Variants in LDB2 observed in about 807,000 individuals in gnomAD.
The protein encoded by LDB2 is LIM domain-binding protein 2.
Under a neutral mutation model 44.3 loss-of-function variants are expected in LDB2, and 12 were observed. That is an observed-to-expected ratio of 0.27 (90% CI 0.17 to 0.44). LDB2 has a LOEUF of 0.44. Among genes scored for constraint, LDB2 ranks in the 20% least tolerant of loss-of-function variants. The pLI is 1.00. For synonymous variants in LDB2, 164 were observed against 174.8 expected (o/e 0.94, Z 0.49); for missense variants, 344 against 473.5 (o/e 0.73, Z 2.54).
At chr4:16,877,546 A>G (rs1173472240) in intron 1 of LDB2, among the ~76,000 whole-genome samples, 1 of 152,218 alleles carries the variant, frequency 6.6e-6, no homozygotes, top group Admixed American at 6.5e-5. Context: ...AGGTATTCTC[A>G]CAGGCATAGG....
At position 16,538,919 on chromosome 4, in the gene LDB2, C is replaced by T. The variant is rs568719577; in HGVS notation, c.616-26815G>A. On this transcript the variant is annotated intron_variant, in intron 5 of 7. Coordinates refer to ENST00000304523, the MANE Select transcript of LDB2 (RefSeq NM_001290.5). ...CGTGGCAAAAACAGATGAAATAAGTCATCTGAAGCCATACAACCAGTAAGT... is the reference window on the plus strand; with the variant it reads ...CGTGGCAAAAACAGATGAAATAAGTTATCTGAAGCCATACAACCAGTAAGT... Among the ~76,000 whole-genome samples, 5 of 152,284 alleles carry T rather than the reference C, an allele frequency of 3.3e-5. No homozygotes were observed. The East Asian group carries it at 9.7e-4, about 29-fold the overall frequency.
chr4:16,535,844 A>G (rs186492849), intron 5 of LDB2, among the ~76,000 whole-genome samples: 2 of 152,302 alleles, frequency 1.3e-5, no homozygotes, highest in African/African-American at 4.8e-5. Context: ...GAAAGCTTAG[A>G]TGCTTTTTCT....
At chr4:16,889,352 A>C (rs142729855) in intron 1 of LDB2, 11 of 152,334 alleles carry the variant, frequency 7.2e-5, no homozygotes, top group African/African-American at 2.6e-4. Flanking sequence ...AGAAATATCA[A>C]ATGAGAAAAG....
At chr4:16,809,459 TAAAG>T (rs1779379198) in intron 1 of LDB2, among the ~76,000 whole-genome samples, 1 of 152,156 alleles carries the variant, frequency 6.6e-6, no homozygotes, top group Non-Finnish European at 1.5e-5. Flanking sequence ...AGAGAAGAGT[TAAAG>T]ACTGGGCAGA....
chr4:16,744,958 T>C (rs1477895398), intron 2 of LDB2, among the ~76,000 whole-genome samples: 1 of 152,256 alleles, frequency 6.6e-6, no homozygotes, highest in Admixed American at 6.5e-5. Flanking sequence ...AGGGATTGTA[T>C]GTATGTTACT....
intron 5 of LDB2, among the ~76,000 whole-genome samples, chr4:16,536,170 GAGA>G (rs1193029098): frequency 3.9e-5 from 6 of 152,184 alleles, no homozygotes; most frequent in African/African-American, 1.2e-4. Flanking sequence ...ACTGGACCAG[GAGA>G]AGAACAGCCC....
At chr4:16,644,553 G>A (rs576244899) in intron 2 of LDB2, among the ~76,000 whole-genome samples, 11 of 151,482 alleles carry the variant, frequency 7.3e-5, no homozygotes, top group South Asian at 6.3e-4. Context: ...TCAGCCTCCC[G>A]AGTAGCTGGC....
chr4:16,669,969 A>G (rs974198725), intron 2 of LDB2, among the ~76,000 whole-genome samples: 3 of 152,238 alleles, frequency 2.0e-5, no homozygotes, highest in Admixed American at 1.3e-4. Flanking sequence ...AGCCATGCAC[A>G]TTTATTGAGA....
intron 1 of LDB2, among the ~76,000 whole-genome samples, chr4:16,881,152 C>T (rs1719983170): frequency 6.6e-6 from 1 of 152,206 alleles, no homozygotes; most frequent in African/African-American, 2.4e-5. Context: ...ACCTGGGCCT[C>T]AGTGTCTTCA....
chr4:16,812,465 C>CG (rs956906820), intron 1 of LDB2, among the ~76,000 whole-genome samples: 1 of 151,654 alleles, frequency 6.6e-6, no homozygotes, highest in Non-Finnish European at 1.5e-5. Context: ...ATCTGTCCAC[C>CG]GGGGGAGATA....
At chr4:16,587,753 G>A (rs1560558136) in intron 4 of LDB2, among the ~76,000 whole-genome samples, 1 of 152,090 alleles carries the variant, frequency 6.6e-6, no homozygotes, top group Non-Finnish European at 1.5e-5. Flanking sequence ...TCTTGATTTT[G>A]CTACTTTTGG....
At chr4:16,511,946 C>G in intron 6 of LDB2, 35 bp downstream of exon 6, 1 of 1,583,816 alleles carries the variant, frequency 6.3e-7, no homozygotes, top group Non-Finnish European at 8.6e-7. Flanking sequence ...CCTCTGAAAA[C>G]GTGTTTAGAG....
intron 2 of LDB2, among the ~76,000 whole-genome samples, chr4:16,635,527 T>C (rs1313108519): frequency 1.3e-5 from 2 of 152,184 alleles, no homozygotes; most frequent in Non-Finnish European, 2.9e-5. Flanking sequence ...GAGTTATCCA[T>C]GCAAACCCTA....
At chr4:16,882,011 A>G (rs530377194) in intron 1 of LDB2, among the ~76,000 whole-genome samples, 9 of 152,384 alleles carry the variant, frequency 5.9e-5, no homozygotes, top group Non-Finnish European at 1.2e-4. Context: ...ACATAGCACA[A>G]GCAATTTAGG....
At chr4:16,882,073 T>C (rs1036990173) in intron 1 of LDB2, among the ~76,000 whole-genome samples, 2 of 152,234 alleles carry the variant, frequency 1.3e-5, no homozygotes, top group Admixed American at 6.5e-5. Flanking sequence ...CATGTCTCAG[T>C]ACCGCAATCC....
intron 2 of LDB2, among the ~76,000 whole-genome samples, chr4:16,692,086 T>C (rs1488275858): frequency 6.6e-6 from 1 of 152,044 alleles, no homozygotes; most frequent in African/African-American, 2.4e-5. Context: ...TAAACACAGA[T>C]TGAAAGTAGC....
intron 2 of LDB2, among the ~76,000 whole-genome samples, chr4:16,701,125 A>C (rs1008655436): frequency 1.3e-5 from 2 of 152,202 alleles, no homozygotes; most frequent in Non-Finnish European, 2.9e-5. Context: ...CTTCTTCTTA[A>C]GATGTCACCT....
intron 2 of LDB2, among the ~76,000 whole-genome samples, chr4:16,668,077 G>C (rs1490072457): frequency 1.3e-5 from 2 of 152,124 alleles, no homozygotes; most frequent in Non-Finnish European, 2.9e-5. Context: ...ATTTAAAATA[G>C]AGTAGAATAG....
chr4:16,877,748 T>C (rs1377698921), intron 1 of LDB2, among the ~76,000 whole-genome samples: 2 of 152,240 alleles, frequency 1.3e-5, no homozygotes, highest in Non-Finnish European at 2.9e-5. Context: ...AACCAATATT[T>C]GTTGAGCTTC....
Sources: allele counts gnomAD v4.1 joint callset (sites outside exome capture counted in the v4.1 genomes callset), GRCh38; gene constraint gnomAD v4.1.1; transcripts MANE v1.5; gene names NCBI Gene and HGNC (gene_info 2026-07-23, HGNC 2026-07-21).